PHF19: variants seen among roughly 807,000 people sequenced by gnomAD.
PHF19 encodes polycomb like 3.
A neutral mutation model predicts 79.8 loss-of-function variants in PHF19; 21 were observed. The ratio of observed to expected loss-of-function variants is 0.26; its 90% CI spans 0.19 to 0.38. PHF19 has a LOEUF of 0.38. Ranked by LOEUF, PHF19 falls within the 10% of genes least tolerant of loss-of-function variation. The pLI, the probability that PHF19 is intolerant of heterozygous loss-of-function variation, is 1.00. For missense variants in PHF19, 445 were observed against 744.2 expected (o/e 0.60, Z 4.68); for synonymous variants, 273 against 296.3 (o/e 0.92, Z 0.81).
At chr9:120,887,745 C>T (rs2046287607) in intron 1 of PHF19, among the ~76,000 whole-genome samples, 1 of 151,756 alleles carries the variant, frequency 6.6e-6, no homozygotes, top group African/African-American at 2.4e-5. Context: ...AAGCTATATG[C>T]ATTCAGTAGA....
intron 1 of PHF19, among the ~76,000 whole-genome samples, chr9:120,883,260 C>T (rs2131585587): frequency 1.3e-5 from 2 of 152,316 alleles, no homozygotes; most frequent in Admixed American, 1.3e-4. Flanking sequence ...GATCCTATTT[C>T]CCTGCCTTGC....
Position 120,869,403 on chromosome 9 carries a change from T to C in PHF19, c.466-73A>G. 1 of 1,489,404 alleles carries C rather than the reference T, an allele frequency of 6.7e-7. No individual in the cohort carries two copies. Among genetic ancestry groups the C allele is most frequent in the South Asian group, 1.2e-5 (1 of 82,106 alleles). The allele number at this position is 1,489,404 out of a possible 1,614,324, so 92.3% of individuals were successfully genotyped here. A position where few individuals can be genotyped will look rare whatever the true frequency, so the allele number is the denominator to read the frequency against. On this transcript the variant is annotated intron_variant, in intron 5 of 14. Transcript: ENST00000373896. The surrounding 1 kb of genome is among the most constrained non-coding windows in gnomAD (Gnocchi z 5.8). ...ACGCGAGTCAGCACGCGGCTGTCTA[T>C]TGAGGGAAGTGCTGCCAGGGCTTGG...
At chr9:120,872,960 T>C (rs915914801) in intron 3 of PHF19, among the ~76,000 whole-genome samples, 3 of 152,158 alleles carry the variant, frequency 2.0e-5, no homozygotes, top group Non-Finnish European at 4.4e-5. Flanking sequence ...CTAAAACCAA[T>C]AGTACTGAGC....
upstream of PHF19, among the ~76,000 whole-genome samples, chr9:120,897,522 A>C (rs533282095): frequency 6.6e-6 from 1 of 152,346 alleles, no homozygotes; most frequent in African/African-American, 2.4e-5. Context: ...CTCTAGTGCT[A>C]TCCAGTGGAA....
At chr9:120,868,846 G>A in intron 6 of PHF19, 1 of 1,072,910 alleles carries the variant, frequency 9.3e-7, no homozygotes. Context: ...AACCCGCCAG[G>A]CCCGCCTCCC....
At chr9:120,875,744 G>T (rs540829314) in intron 1 of PHF19, 1 of 152,526 alleles carries the variant, frequency 6.6e-6, no homozygotes, top group East Asian at 1.9e-4. Flanking sequence ...TAAACAGGCC[G>T]TTCCTGCATT....
At chr9:120,872,387 C>T (rs1043417511) in intron 3 of PHF19, among the ~76,000 whole-genome samples, 2 of 152,244 alleles carry the variant, frequency 1.3e-5, no homozygotes, top group African/African-American at 4.8e-5. Flanking sequence ...TGGGTACCTC[C>T]AAGGAGCCTG....
At chr9:120,880,004 G>C (rs774150240), upstream of PHF19, among the ~76,000 whole-genome samples, 11 of 152,116 alleles carry the variant, frequency 7.2e-5, no homozygotes, top group Non-Finnish European at 1.3e-4. Context: ...GTCAATATAG[G>C]GGGGTGGGGG....
intron 1 of PHF19, among the ~76,000 whole-genome samples, chr9:120,889,405 G>A (rs569445595): frequency 7.7e-5 from 11 of 143,730 alleles, no homozygotes; most frequent in South Asian, 4.5e-4. Flanking sequence ...TGGCCTGGGC[G>A]ACAGAGCAAG....
In PHF19 at chr9:120,861,830, C is replaced by T. The variant is rs529131786; in HGVS notation, c.1218+88G>A. 2.1e-5 allele frequency: 19 copies of T among 893,146 alleles called. No homozygotes were observed. In the East Asian group the frequency reaches 3.4e-4, roughly 16 times the overall value. 55.3% of individuals were successfully genotyped at this position (893,146 alleles called of 1,614,324 possible). On this transcript the variant is annotated intron_variant, in intron 12 of 14. Coordinates refer to ENST00000373896, the MANE Select transcript of PHF19 (RefSeq NM_015651.3). The stretch of plus-strand genomic sequence containing the variant: ...AAGGGACATGAGAGAGTCCTCTGGG[C>T]CTGGGGGACTTAGTTTTCGGCACAG...
Position 120,862,779 on chromosome 9 carries a change from C to G in PHF19, c.969-30G>C, listed in dbSNP as rs2045572635. Reference sequence around the variant, plus strand: ...GGGTGGGCAGTGGGAGGAAGAAGCTCTGGAGTCTGTCAGTCCATCCTCCTG... The same window carrying G: ...GGGTGGGCAGTGGGAGGAAGAAGCTGTGGAGTCTGTCAGTCCATCCTCCTG... On this transcript the variant is annotated intron_variant, in intron 10 of 14. Coordinates refer to ENST00000373896, the MANE Select transcript of PHF19 (RefSeq NM_015651.3). The surrounding 1 kb of genome is among the most constrained non-coding windows in gnomAD (Gnocchi z 4.6). The G allele has an allele frequency of 6.2e-7, 1 of 1,611,130 alleles. No individual in the cohort carries two copies. The highest frequency in any genetic ancestry group is 2.2e-5 in the East Asian group (1 of 44,848).
chr9:120,864,203 C>T (rs2045627387), intron 9 of PHF19, 87 bp from the exon 10 acceptor site: 1 of 1,086,742 alleles, frequency 9.2e-7, no homozygotes, highest in Non-Finnish European at 1.4e-6. Context: ...CTTCCATCTC[C>T]TGATGCTTCT....
intron 6 of PHF19, chr9:120,868,796 G>A: frequency 2.0e-6 from 2 of 989,756 alleles, no homozygotes; most frequent in Non-Finnish European, 2.4e-6. Context: ...GGTGCTTCTC[G>A]ACCTGCCTCA....
At chr9:120,894,363 T>C (rs1308024887) in intron 1 of PHF19, among the ~76,000 whole-genome samples, 1 of 152,238 alleles carries the variant, frequency 6.6e-6, no homozygotes, top group African/African-American at 2.4e-5. Context: ...AGGCCCTGAA[T>C]GCCAACCTTA....
In PHF19 at chr9:120,869,802, A is replaced by T; in HGVS notation, c.465+43T>A. On this transcript the variant is annotated intron_variant, in intron 5 of 14. Transcript: ENST00000373896. This position sits in a 1 kb window ranked among gnomAD's most constrained non-coding sequence, Gnocchi z 5.8. Reference sequence around the variant, plus strand: ...GGGAGTCTCTGGTCTGCCCCACTGGAGGAGGCAGGAGAGGCAGGGACTGGG... The same window carrying T: ...GGGAGTCTCTGGTCTGCCCCACTGGTGGAGGCAGGAGAGGCAGGGACTGGG... 1 of 1,611,940 alleles carries T rather than the reference A, an allele frequency of 6.2e-7. No individual in the cohort carries two copies. The highest frequency in any genetic ancestry group is 8.5e-7 in the Non-Finnish European group (1 of 1,179,192).
At chr9:120,899,683 T>C (rs2046424998), upstream of PHF19, among the ~76,000 whole-genome samples, 1 of 152,138 alleles carries the variant, frequency 6.6e-6, no homozygotes, top group Admixed American at 6.5e-5. Context: ...TAGAGGAAAG[T>C]AGATGCTGTT....
upstream of PHF19, among the ~76,000 whole-genome samples, chr9:120,896,323 T>C (rs2046400685): frequency 6.6e-6 from 1 of 152,132 alleles, no homozygotes; most frequent in African/African-American, 2.4e-5. Context: ...ATGCCAATTG[T>C]GTAGTGGAGG....
chr9:120,872,037 C>CAAAAAAAAAAAAAAAAAAAA (rs1170243737), intron 3 of PHF19, among the ~76,000 whole-genome samples: 5 of 30,318 alleles, frequency 1.6e-4, no homozygotes, highest in Admixed American at 6.0e-4. Context: ...GACTCTGTCT[C>CAAAAAAAAAAAAAAAAAAAA]AAAAAAAAAA....
At chr9:120,875,337 G>A (rs1234900266) in intron 1 of PHF19, among the ~76,000 whole-genome samples, 2 of 152,126 alleles carry the variant, frequency 1.3e-5, no homozygotes, top group African/African-American at 4.8e-5. Flanking sequence ...AACCAATTCT[G>A]GGACATTTAA....
Sources: gnomAD v4.1 joint callset for allele counts (sites outside exome capture counted in the v4.1 genomes callset) on GRCh38, gnomAD v4.1.1 for gene constraint, Gnocchi (gnomAD v3.1) non-coding constraint, MANE v1.5 for transcripts, NCBI Gene and HGNC (gene_info 2026-07-23, HGNC 2026-07-21) for gene names.